The following ASZ1 variants were observed in gnomAD, a reference collection of about 807,000 sequenced individuals.
ASZ1 encodes ankyrin repeat, SAM and basic leucine zipper domain containing 1.
A neutral mutation model predicts 61.8 loss-of-function variants in ASZ1; 67 were observed. That is an observed-to-expected ratio of 1.08 (90% CI 0.89 to 1.33). ASZ1 has a LOEUF of 1.33. Among genes scored for constraint, ASZ1 ranks in the 40% most tolerant of loss-of-function variants. ASZ1 has a pLI of 0.00. For synonymous variants in ASZ1, 193 were observed against 192.7 expected (o/e 1.00, Z -0.01); for missense variants, 577 against 554.5 (o/e 1.04, Z -0.41).
At chr7:117,384,055 C>T (rs992446630) in intron 6 of ASZ1, among the ~76,000 whole-genome samples, 3 of 151,940 alleles carry the variant, frequency 2.0e-5, no homozygotes, top group Admixed American at 2.0e-4. Flanking sequence ...CTTTCAAATT[C>T]GGGAACTCAG....
intron 10 of ASZ1, among the ~76,000 whole-genome samples, chr7:117,373,924 A>G (rs1796092768): frequency 6.6e-6 from 1 of 152,172 alleles, no homozygotes; most frequent in Non-Finnish European, 1.5e-5. Context: ...AAGCAAGAAA[A>G]TGAACAATGA....
At chr7:117,393,222 A>G (rs1165495986) in intron 4 of ASZ1, among the ~76,000 whole-genome samples, 1 of 152,110 alleles carries the variant, frequency 6.6e-6, no homozygotes, top group African/African-American at 2.4e-5. Context: ...AAAATAATCC[A>G]TGCATGTAAA....
At chr7:117,417,047 G>A (rs1305595865) in intron 4 of ASZ1, among the ~76,000 whole-genome samples, 1 of 152,064 alleles carries the variant, frequency 6.6e-6, no homozygotes, top group African/African-American at 2.4e-5. Flanking sequence ...TGTCTTATGA[G>A]GTATTTCCAC....
At chr7:117,388,886 ATGG>A (rs1796410370) in intron 4 of ASZ1, among the ~76,000 whole-genome samples, 1 of 152,206 alleles carries the variant, frequency 6.6e-6, no homozygotes, top group Admixed American at 6.5e-5. Flanking sequence ...AGAAAACCTG[ATGG>A]ACTCCACAAA....
intron 12 of ASZ1, among the ~76,000 whole-genome samples, chr7:117,365,370 A>G (rs2116439859): frequency 6.6e-6 from 1 of 152,340 alleles, no homozygotes; most frequent in East Asian, 1.9e-4. Context: ...TAAAATAAAT[A>G]TGGTACCTGA....
chr7:117,420,760 C>G lies in ASZ1; in HGVS notation c.329-486G>C, dbSNP rs182205074. Among the ~76,000 whole-genome samples the G allele has an allele frequency of 2.0e-5, 3 of 152,326 alleles. No individual in the cohort carries two copies. In the East Asian group the frequency reaches 5.8e-4, roughly 29 times the overall value. On this transcript the variant is annotated intron_variant, in intron 3 of 12. Transcript: ENST00000284629. ...TCTTTTCAGTCCTTTTGTACTTCAT[C>G]TTTCTGAACTCACTGTTTCCTAAAA...
intron 10 of ASZ1, among the ~76,000 whole-genome samples, chr7:117,369,306 G>A (rs931398939): frequency 2.6e-5 from 4 of 152,086 alleles, no homozygotes; most frequent in Non-Finnish European, 4.4e-5. Context: ...TCACTAAGGT[G>A]TAATTAAAAC....
At position 117,427,474 on chromosome 7, in the gene ASZ1, G is replaced by A. The variant is rs781622328; in HGVS notation, c.-14C>T. ...GCTCGCCGCCATGCCAGCCAAGGAA[G>A]CTCCCTGTCGGCACCGCGCGCCCTT... is the stretch of plus-strand genomic sequence containing the variant. On this transcript the variant is annotated 5_prime_UTR_variant, in exon 1 of 13. Transcript: ENST00000284629. 6.2e-7 allele frequency: 1 copy of A among 1,613,134 alleles called. No homozygotes were observed. The highest frequency in any genetic ancestry group is 8.5e-7 in the Non-Finnish European group (1 of 1,179,512).
At chr7:117,387,865 C>A (rs893104511) in intron 4 of ASZ1, among the ~76,000 whole-genome samples, 4 of 152,170 alleles carry the variant, frequency 2.6e-5, no homozygotes, top group Admixed American at 2.6e-4. Context: ...TATTCTTATA[C>A]AGATCCTTAT....
chr7:117,400,408 G>A (rs560718501), intron 4 of ASZ1, among the ~76,000 whole-genome samples: 1 of 152,294 alleles, frequency 6.6e-6, no homozygotes, highest in African/African-American at 2.4e-5. Flanking sequence ...GGAGAGAAAA[G>A]CAGCATTTGG....
chr7:117,400,198 G>C (rs565319789), intron 4 of ASZ1, among the ~76,000 whole-genome samples: 6 of 152,156 alleles, frequency 3.9e-5, no homozygotes, highest in Non-Finnish European at 8.8e-5. Context: ...ATAGTTGAGA[G>C]ATTAATGAAA....
rs1659557146 is a variant in ASZ1, at chr7:117,409,426, GAAAATATAAA to G, written c.440+10727_440+10736del. On this transcript the variant is annotated intron_variant, in intron 4 of 12. Coordinates refer to ENST00000284629, the MANE Select transcript of ASZ1 (RefSeq NM_130768.3). ...CAGTGTTCCTTTACAGTTTGTCACT[GAAAATATAAA>G]TAAGGTGTCAGAAAAGTCCCTTGCT... Among the ~76,000 whole-genome samples the G allele has an allele frequency of 3.3e-5, 5 of 151,744 alleles. No individual in the cohort carries two copies. The South Asian group carries it at 1.0e-3, about 31-fold the overall frequency.
At position 117,427,437 on chromosome 7, in the gene ASZ1, G is replaced by A. The variant is rs1797248682; in HGVS notation, c.24C>T (p.Gly8=). The stretch of plus-strand genomic sequence containing the variant: ...TCTCGCCTCCGCCAGCCACTGGCAG[G>A]CCTCGCAGCGCGCTCGCCGCCATGC... The part of the protein sequence containing the change: MAASALR[G]LPVAGGGESS... Residue 8 remains glycine (G), a synonymous_variant, in exon 1 of 13, where the codon GGC becomes GGT. Transcript: ENST00000284629. The A allele has an allele frequency of 3.7e-6, 6 of 1,613,932 alleles. No individual in the cohort carries two copies. Among genetic ancestry groups the A allele is most frequent in the South Asian group, 1.1e-5 (1 of 91,074 alleles).
intron 2 of ASZ1, among the ~76,000 whole-genome samples, chr7:117,422,731 T>A (rs1431006573): frequency 6.6e-6 from 1 of 152,232 alleles, no homozygotes; most frequent in African/African-American, 2.4e-5. Context: ...CAATATCAGT[T>A]ATCTCTATGG....
At chr7:117,380,902 G>C in intron 9 of ASZ1, 109 bp downstream of exon 9, 5 of 943,976 alleles carry the variant, frequency 5.3e-6, no homozygotes, top group Non-Finnish European at 6.6e-6. Context: ...CACAGTAGAA[G>C]ATCAATCTTT....
At position 117,383,006 on chromosome 7, in the gene ASZ1, T is replaced by C. The variant is rs1212187006; in HGVS notation, c.792A>G (p.Arg264=). 1.1e-5 allele frequency: 17 copies of C among 1,578,524 alleles called. No individual in the cohort carries two copies. Among genetic ancestry groups the C allele is most frequent in the Non-Finnish European group, 1.3e-5 (15 of 1,165,988 alleles). The change falls in exon 7 of 13, where the codon AGA becomes AGG. Residue 264 remains arginine, a synonymous_variant. Coordinates refer to ENST00000284629, the MANE Select transcript of ASZ1 (RefSeq NM_130768.3). ...ATTACCTAAAAATGTGATCTTTTTC[T>C]CTATCAGAATCTGTTGTCAATATTT... ...ICKILTTDSD[R]EKDHIFSSYT...
At chr7:117,369,927 G>A (rs564858087) in intron 10 of ASZ1, among the ~76,000 whole-genome samples, 66 of 152,240 alleles carry the variant, frequency 4.3e-4, no homozygotes, top group African/African-American at 1.3e-3. Context: ...AAATGTTTCC[G>A]TATCTCTAGA....
intron 9 of ASZ1, 81 bp downstream of exon 9, chr7:117,380,930 T>TAAA: frequency 7.9e-7 from 1 of 1,268,174 alleles, no homozygotes; most frequent in South Asian, 1.3e-5. Context: ...AGCCCTGGCA[T>TAAA]TTTAAAAAGA....
intron 2 of ASZ1, among the ~76,000 whole-genome samples, chr7:117,425,259 C>CTTTTTTTTTTTTTTTTTTTTTTTTTT (rs71148368): frequency 1.1e-5 from 1 of 93,858 alleles, no homozygotes; most frequent in African/African-American, 3.6e-5. Flanking sequence ...TGAGTAATTT[C>CTTTTTTTTTTTTTTTTTTTTTTTTTT]TTTTTTTTTT....
Sources: allele counts gnomAD v4.1 joint callset (sites outside exome capture counted in the v4.1 genomes callset), GRCh38; gene constraint gnomAD v4.1.1; transcripts MANE v1.5; gene names NCBI Gene and HGNC (gene_info 2026-07-23, HGNC 2026-07-21).